LIN52: variants seen among roughly 807,000 people sequenced by gnomAD.
LIN52 encodes the protein protein lin-52 homolog.
LIN52 carries 4 observed loss-of-function variants against 18.5 expected under a neutral mutation model. The ratio of observed to expected loss-of-function variants is 0.22; its 90% CI spans 0.11 to 0.49. LIN52 has a LOEUF of 0.49. Among genes scored for constraint, LIN52 ranks in the 20% least tolerant of loss-of-function variants. The probability of loss-of-function intolerance (pLI) is 0.97; values close to 1 mark genes in which losing one functional copy is unlikely to be tolerated. For missense variants in LIN52, 102 were observed against 139.5 expected (o/e 0.73, Z 1.35); for synonymous variants, 34 against 45.5 (o/e 0.75, Z 1.02).
chr14:74,196,718 C>T (rs74651741), intron 5 of LIN52, among the ~76,000 whole-genome samples: 2,377 of 152,208 alleles, frequency 0.016, 59 homozygotes, highest in African/African-American at 0.054. Context: ...CATTCATTCA[C>T]TCACTCAGAA....
chr14:74,090,406 G>A (rs1044167993), intron 1 of LIN52, among the ~76,000 whole-genome samples: 1 of 151,914 alleles, frequency 6.6e-6, no homozygotes, highest in Non-Finnish European at 1.5e-5. Context: ...TGCAATCTTG[G>A]CTCACTGTAA....
chr14:74,125,072 C>CA (rs926391305), intron 5 of LIN52, among the ~76,000 whole-genome samples: 3 of 152,028 alleles, frequency 2.0e-5, no homozygotes, highest in Non-Finnish European at 2.9e-5. Flanking sequence ...AACTCAACAA[C>CA]AAAAAAACAG....
At chr14:74,105,066 A>C (rs1203678685) in intron 5 of LIN52, among the ~76,000 whole-genome samples, 1 of 152,046 alleles carries the variant, frequency 6.6e-6, no homozygotes, top group Non-Finnish European at 1.5e-5. Context: ...GATGGGATAA[A>C]TGATTCTTTT....
rs542457215 is a variant in LIN52 at position 74,108,210 on chromosome 14, T to C, written c.283+6972T>C. On this transcript the variant is annotated intron_variant, in intron 5 of 5. Transcript: ENST00000555028. ...CTATAGCATGTATCAGTGCTTTCTT[T>C]CTTTTTATGGCTGAATAATATTCCA... Among the ~76,000 whole-genome samples, 48 of 152,360 alleles carry C rather than the reference T, an allele frequency of 3.2e-4. No homozygotes were observed. The East Asian group carries it at 7.3e-3, about 23-fold the overall frequency.
chr14:74,197,266 A>G (rs72627168), intron 5 of LIN52, among the ~76,000 whole-genome samples: 19,827 of 152,250 alleles, frequency 0.13, 1,979 homozygotes, highest in East Asian at 0.58. Flanking sequence ...AGCAGACACT[A>G]GGTCTGCTGA....
At chr14:74,154,313 T>A (rs2061189190) in intron 5 of LIN52, among the ~76,000 whole-genome samples, 1 of 152,202 alleles carries the variant, frequency 6.6e-6, no homozygotes, top group South Asian at 2.1e-4. Context: ...GTATTTTTCA[T>A]AATTATGGTT....
intron 5 of LIN52, among the ~76,000 whole-genome samples, chr14:74,178,923 A>C (rs1242237473): frequency 6.6e-6 from 1 of 151,914 alleles, no homozygotes. Context: ...TCTACAAAAA[A>C]AAACAACTTA....
intron 5 of LIN52, among the ~76,000 whole-genome samples, chr14:74,184,875 C>T (rs924258805): frequency 1.1e-4 from 17 of 152,050 alleles, no homozygotes; most frequent in Non-Finnish European, 2.1e-4. Context: ...GTGGGTGCCC[C>T]TTCAAGTTGG....
chr14:74,123,040 C>A (rs2061008771), intron 5 of LIN52, among the ~76,000 whole-genome samples: 1 of 152,146 alleles, frequency 6.6e-6, no homozygotes, highest in Admixed American at 6.6e-5. Context: ...TTATAAAACT[C>A]TTAGCTCACT....
At chr14:74,152,423 C>G (rs151047535) in intron 5 of LIN52, among the ~76,000 whole-genome samples, 1 of 152,210 alleles carries the variant, frequency 6.6e-6, no homozygotes, top group African/African-American at 2.4e-5. Flanking sequence ...CAATAGCCAT[C>G]ATTATGAGTA....
At chr14:74,187,555 TG>T (rs1206074987) in intron 5 of LIN52, among the ~76,000 whole-genome samples, 1 of 152,220 alleles carries the variant, frequency 6.6e-6, no homozygotes, top group African/African-American at 2.4e-5. Flanking sequence ...CCATTTTTAT[TG>T]TTTTTTTATT....
chr14:74,190,389 C>CTATTTTTTT (rs2061358479), intron 5 of LIN52, among the ~76,000 whole-genome samples: 1 of 106,306 alleles, frequency 9.4e-6, no homozygotes, highest in Non-Finnish European at 1.8e-5. Flanking sequence ...GCCTAAATAA[C>CTATTTTTTT]TTTTTTTTTT....
chr14:74,197,388 C>T (rs1359093164), intron 5 of LIN52, among the ~76,000 whole-genome samples: 4 of 152,176 alleles, frequency 2.6e-5, no homozygotes, highest in Non-Finnish European at 5.9e-5. Context: ...TCTCTGATGA[C>T]AAGTGAACAG....
intron 5 of LIN52, among the ~76,000 whole-genome samples, chr14:74,105,452 A>T (rs1001122883): frequency 6.6e-5 from 10 of 152,206 alleles, no homozygotes; most frequent in African/African-American, 2.4e-4. Flanking sequence ...GACCATCGTG[A>T]ATTTAGCTGA....
intron 5 of LIN52, among the ~76,000 whole-genome samples, chr14:74,151,683 T>C (rs1415304365): frequency 3.9e-5 from 6 of 152,160 alleles, no homozygotes; most frequent in Admixed American, 2.0e-4. Context: ...ACATCGATTA[T>C]AGTAACATGC....
Position 74,199,110 on chromosome 14 carries a change from C to A in LIN52, c.*133C>A. ...ACCTCCAGGACTGCCCTCTCCCCTG[C>A]TCCTGGCACTCTACACGTCTGAGGA... On this transcript the variant is annotated 3_prime_UTR_variant, in exon 6 of 6. Coordinates refer to ENST00000555028, the MANE Select transcript of LIN52 (RefSeq NM_001024674.3). 1.6e-6 allele frequency: 1 copy of A among 639,186 alleles called. No homozygotes were observed. Among genetic ancestry groups the A allele is most frequent in the South Asian group, 1.9e-5 (1 of 53,668 alleles). 39.6% of individuals were successfully genotyped at this position (639,186 alleles called of 1,614,324 possible). A position where few individuals can be genotyped will look rare whatever the true frequency, so the allele number is the denominator to read the frequency against.
At chr14:74,131,552 T>A (rs1260128543) in intron 5 of LIN52, among the ~76,000 whole-genome samples, 1 of 151,984 alleles carries the variant, frequency 6.6e-6, no homozygotes, top group Non-Finnish European at 1.5e-5. Context: ...ACTCCTGACC[T>A]CAGGTGATCC....
chr14:74,105,407 A>G (rs2060890945), intron 5 of LIN52, among the ~76,000 whole-genome samples: 1 of 152,190 alleles, frequency 6.6e-6, no homozygotes, highest in Admixed American at 6.5e-5. Context: ...TTCAATTTCC[A>G]TAGCATTGCT....
chr14:74,138,410 A>G (rs1285250331), intron 5 of LIN52, among the ~76,000 whole-genome samples: 1 of 152,224 alleles, frequency 6.6e-6, no homozygotes, highest in African/African-American at 2.4e-5. Flanking sequence ...TGATTTCAAG[A>G]TTTTAAGCCC....
Sources: gnomAD v4.1 joint callset for allele counts (sites outside exome capture counted in the v4.1 genomes callset) on GRCh38, gnomAD v4.1.1 for gene constraint, MANE v1.5 for transcripts, NCBI Gene and HGNC (gene_info 2026-07-23, HGNC 2026-07-21) for gene names.